Variants in MROH1 observed in about 807,000 individuals in gnomAD.
The protein encoded by MROH1 is maestro heat like repeat family member 1, also known as maestro heat-like repeat-containing protein family member 1.
A neutral mutation model predicts 116.5 loss-of-function variants in MROH1; 117 were observed. That is an observed-to-expected ratio of 1.00 (90% CI 0.86 to 1.17). The LOEUF is 1.17. Ranked by LOEUF, MROH1 falls within the 50% of genes most tolerant of loss-of-function variation. The pLI is 0.00. For synonymous variants in MROH1, 921 were observed against 583.9 expected (o/e 1.58, Z -8.32); for missense variants, 1,873 against 1,338.5 (o/e 1.40, Z -6.23).
chr8:144,246,604 C>T (rs1452023577), intron 29 of MROH1, among the ~76,000 whole-genome samples: 2 of 152,214 alleles, frequency 1.3e-5, no homozygotes, highest in Non-Finnish European at 2.9e-5. Flanking sequence ...CTTTCTCTAA[C>T]ATTCCAGCCT....
In MROH1 at chr8:144,163,135, A is replaced by G. The variant is rs1025294943; in HGVS notation, c.-56-636A>G. Among the ~76,000 whole-genome samples the G allele has an allele frequency of 1.1e-4, 16 of 152,126 alleles. No homozygotes were observed. Among genetic ancestry groups the G allele is most frequent in the African/African-American group, 3.6e-4 (15 of 41,420 alleles). Reference sequence around the variant, plus strand: ...TCTCTCCTTCATTTTTCTCTGGAGTATGTTAGCAAGGAATGGTGGATGGGA... The same window carrying G: ...TCTCTCCTTCATTTTTCTCTGGAGTGTGTTAGCAAGGAATGGTGGATGGGA... On this transcript the variant is annotated intron_variant, in intron 2 of 43. Transcript: ENST00000326134. The surrounding 1 kb of genome is among the most constrained non-coding windows in gnomAD (Gnocchi z 4.4).
At chr8:144,152,753 T>A (rs1817148623) in intron 1 of MROH1, among the ~76,000 whole-genome samples, 1 of 152,076 alleles carries the variant, frequency 6.6e-6, no homozygotes, top group South Asian at 2.1e-4. Flanking sequence ...TTTACTGTGT[T>A]GGCCAGGATG....
rs1036296103 is a variant in MROH1 at position 144,261,746 on chromosome 8, C to T, written c.*6C>T. On this transcript the variant is annotated 3_prime_UTR_variant, in exon 44 of 44. Transcript: ENST00000326134. ...GCCTGGTGAAGCTCGCCTAAGGCTC[C>T]GGCCAGCACCCCCAGCGAGGAGTAT... 4.5e-5 allele frequency: 32 copies of T among 708,872 alleles called. No individual in the cohort carries two copies. The highest frequency in any genetic ancestry group is 6.9e-5 in the Non-Finnish European group (27 of 388,982). The allele number at this position is 708,872 out of a possible 1,614,324, so 43.9% of individuals were successfully genotyped here.
At chr8:144,174,067 C>A (rs757946021) in intron 4 of MROH1, among the ~76,000 whole-genome samples, 2 of 152,020 alleles carry the variant, frequency 1.3e-5, no homozygotes, top group Non-Finnish European at 2.9e-5. Context: ...TTTATAGGCA[C>A]AGAATGAGGA....
intron 14 of MROH1, 140 bp downstream of exon 14, chr8:144,223,370 TTTTG>T: frequency 8.8e-7 from 1 of 1,130,138 alleles, no homozygotes; most frequent in Non-Finnish European, 1.2e-6. Flanking sequence ...CTCTGCTGTC[TTTTG>T]TTTAATAGAG....
At chr8:144,150,177 C>T (rs1009650521) in intron 1 of MROH1, among the ~76,000 whole-genome samples, 2 of 152,042 alleles carry the variant, frequency 1.3e-5, no homozygotes, top group Admixed American at 1.3e-4. Flanking sequence ...TTTTTGTGGC[C>T]GGAGGGCTTT....
rs1825218428 is a variant in MROH1 at position 144,180,196 on chromosome 8, C to A, written c.319C>A (p.Gln107Lys). The A allele has an allele frequency of 6.2e-7, 1 of 1,613,760 alleles. No homozygotes were observed. Among genetic ancestry groups the A allele is most frequent in the Non-Finnish European group, 8.5e-7 (1 of 1,179,840 alleles). Residue 107 changes from glutamine to lysine, a missense_variant, in exon 6 of 44, where the codon CAG (glutamine) becomes AAG (lysine). Physicochemically the swap from Gln to Lys is moderately conservative, Grantham distance 53. Coordinates refer to ENST00000326134, the MANE Select transcript of MROH1 (RefSeq NM_032450.3). The surrounding 1 kb of genome is among the most constrained non-coding windows in gnomAD (Gnocchi z 7.4). ...GGTTCAGGACCTGGTCTGGGACTGG[C>A]AGCAGGCGGCGAGTGGCGTCCTGGT... ...TKTKDLVWDW[Q>K]QAASGVLVAV...
Position 144,234,891 on chromosome 8 carries a change from CT to C in MROH1, c.1339-3846del, listed in dbSNP as rs781998549. On this transcript the variant is annotated intron_variant, in intron 14 of 43. Transcript: ENST00000326134. ...AGAAAAACAATTATCCTTTTTCTTT[CT>C]TTTTTTTTTTTTTTTTTTGAGACAG... Among the ~76,000 whole-genome samples, 222 of 103,528 alleles carry C rather than the reference CT, an allele frequency of 2.1e-3. 2 individuals are homozygous for C. Among genetic ancestry groups the C allele is most frequent in the African/African-American group, 6.9e-3 (179 of 26,042 alleles). 67.9% of individuals were successfully genotyped at this position (103,528 alleles called of 152,430 possible). A position where few individuals can be genotyped will look rare whatever the true frequency, so the allele number is the denominator to read the frequency against.
At chr8:144,221,888 C>T (rs1025868994) in intron 13 of MROH1, among the ~76,000 whole-genome samples, 1 of 152,028 alleles carries the variant, frequency 6.6e-6, no homozygotes, top group Non-Finnish European at 1.5e-5. Context: ...GGCGTGGTCA[C>T]GATGCTGGAG....
At chr8:144,197,636 C>G (rs980787188) in intron 10 of MROH1, among the ~76,000 whole-genome samples, 1 of 149,602 alleles carries the variant, frequency 6.7e-6, no homozygotes, top group Admixed American at 6.6e-5. Context: ...GGGGTTTCAC[C>G]GTGTTAGCCA....
chr8:144,181,495 C>T (rs1289886130), intron 7 of MROH1, among the ~76,000 whole-genome samples: 2 of 152,196 alleles, frequency 1.3e-5, no homozygotes, highest in Non-Finnish European at 2.9e-5. Flanking sequence ...ACCCTCTCCT[C>T]AGCCCTTGCG....
Position 144,163,563 on chromosome 8 carries a change from G to C in MROH1, c.-56-208G>C, listed in dbSNP as rs1820072988. On this transcript the variant is annotated intron_variant, in intron 2 of 43. Transcript: ENST00000326134. The surrounding 1 kb of genome is among the most constrained non-coding windows in gnomAD (Gnocchi z 4.4). ...AGTGAGGTGCTGGTAGGGACTGATG[G>C]GTGCTCAGGGATGGAGGAGAGCTGG... 6.6e-6 allele frequency among the ~76,000 whole-genome samples: 1 copy of C among 152,166 alleles called. No homozygotes were observed. Among genetic ancestry groups the C allele is most frequent in the Non-Finnish European group, 1.5e-5 (1 of 68,036 alleles).
At chr8:144,239,224 T>G (rs1157920623) in intron 16 of MROH1, 45 bp downstream of exon 16, 338 of 744,070 alleles carry the variant, frequency 4.5e-4, no homozygotes, top group Non-Finnish European at 7.3e-4. Flanking sequence ...TGCCCCCACT[T>G]CCCCACTCCT....
At chr8:144,199,335 C>A (rs1830595913) in intron 11 of MROH1, 135 bp downstream of exon 11, 1 of 872,076 alleles carries the variant, frequency 1.1e-6, no homozygotes, top group Non-Finnish European at 1.8e-6. Context: ...CTCTCCTGGG[C>A]CTACCTGTGG....
chr8:144,229,923 A>G lies in MROH1; in HGVS notation c.1338+6693A>G, dbSNP rs376184292. Among the ~76,000 whole-genome samples the G allele has an allele frequency of 5.9e-5, 9 of 151,926 alleles. No individual in the cohort carries two copies. In the East Asian group the frequency reaches 1.2e-3, roughly 20 times the overall value. On this transcript the variant is annotated intron_variant, in intron 14 of 43. Transcript: ENST00000326134. ...GTGGACCACACCTGTATTCCCAGCT[A>G]CTCGGGAAGCTGAGGCAGGAGAATC... is the stretch of plus-strand genomic sequence containing the variant.
At chr8:144,227,419 C>A (rs1466041983) in intron 14 of MROH1, among the ~76,000 whole-genome samples, 1 of 150,182 alleles carries the variant, frequency 6.7e-6, no homozygotes, top group Non-Finnish European at 1.5e-5. Context: ...GCAGATCATT[C>A]AATCTCCTTG....
chr8:144,165,869 G>A lies in MROH1; in HGVS notation c.22+2021G>A, dbSNP rs114610389. 2.0e-3 allele frequency among the ~76,000 whole-genome samples: 299 copies of A among 150,904 alleles called. 1 individual carries two copies. Among genetic ancestry groups the A allele is most frequent in the African/African-American group, 6.9e-3 (283 of 41,004 alleles). On this transcript the variant is annotated intron_variant, in intron 3 of 43. Transcript: ENST00000326134. The stretch of plus-strand genomic sequence containing the variant: ...ATTATCAGCAGGAGCCACTGTGCCC[G>A]GCCATCAGGCATTTATTTTTTCCCC...
At chr8:144,260,471 C>A in intron 39 of MROH1, 97 bp downstream of exon 39, 1 of 697,056 alleles carries the variant, frequency 1.4e-6, no homozygotes, top group Non-Finnish European at 2.6e-6. Flanking sequence ...CCCTGTCTCC[C>A]ACCTCGGCTA....
At chr8:144,256,078 C>G (rs1011240151) in intron 35 of MROH1, among the ~76,000 whole-genome samples, 1 of 152,140 alleles carries the variant, frequency 6.6e-6, no homozygotes, top group East Asian at 1.9e-4. Flanking sequence ...ATGGCAGGAC[C>G]AGCTTTGTCC....
Sources: gnomAD v4.1 joint callset for allele counts (sites outside exome capture counted in the v4.1 genomes callset) on GRCh38, gnomAD v4.1.1 for gene constraint, Gnocchi (gnomAD v3.1) non-coding constraint, MANE v1.5 for transcripts, NCBI Gene and HGNC (gene_info 2026-07-23, HGNC 2026-07-21) for gene names.